SQOR: variants seen among roughly 807,000 people sequenced by gnomAD.
The protein encoded by SQOR is sulfide quinone oxidoreductase, also known as sulfide:quinone oxidoreductase, mitochondrial.
SQOR carries 39 observed loss-of-function variants against 48.6 expected under a neutral mutation model. The observed-to-expected ratio is 0.80, with a 90% CI of 0.62 to 1.05. The LOEUF (loss-of-function observed/expected upper bound fraction) is 1.05, where lower values mean the gene tolerates loss of function less well. Ranked by LOEUF, SQOR falls within the 50% of genes least tolerant of loss-of-function variation. SQOR has a pLI of 0.00. For missense variants in SQOR, 561 were observed against 559.9 expected (o/e 1.00, Z -0.02); for synonymous variants, 220 against 206.2 (o/e 1.07, Z -0.57).
chr15:45,647,932 T>G (rs1047453950), intron 1 of SQOR, among the ~76,000 whole-genome samples: 1 of 151,982 alleles, frequency 6.6e-6, no homozygotes, highest in Non-Finnish European at 1.5e-5. Context: ...AAAAACAAAA[T>G]AAAATAAAAT....
rs535226765 is a variant in SQOR, at chr15:45,679,429, C to T, written c.865-3049C>T. Reference sequence around the variant, plus strand: ...AACTGGTGTGAAGAATTGGGCCGGACGTGGTGGCTCAAGTCTATAATCCCA... The same window carrying T: ...AACTGGTGTGAAGAATTGGGCCGGATGTGGTGGCTCAAGTCTATAATCCCA... On this transcript the variant is annotated intron_variant, in intron 6 of 9. Coordinates refer to ENST00000260324, the MANE Select transcript of SQOR (RefSeq NM_021199.4). Among the ~76,000 whole-genome samples, 5 of 152,182 alleles carry T rather than the reference C, an allele frequency of 3.3e-5. No homozygotes were observed. The South Asian group carries it at 6.2e-4, about 19-fold the overall frequency.
chr15:45,631,735 C>G (rs2140932554), upstream of SQOR: 1 of 152,494 alleles, frequency 6.6e-6, no homozygotes, highest in East Asian at 1.9e-4. Flanking sequence ...TCCCAGAGCC[C>G]TGATTTGGAT....
In SQOR at chr15:45,676,106, G is replaced by A; in HGVS notation, c.660G>A (p.Gly220=). Residue 220 remains glycine, a synonymous_variant, in exon 6 of 10, where the codon GGG becomes GGA. Transcript: ENST00000260324. ...YLSEAYFRKT[G]KRSKANIIFN... is the part of the protein sequence containing the mutation. The stretch of plus-strand genomic sequence containing the variant: ...GGTTTTCTTATTTTTCTCAGACAGG[G>A]AAGCGATCCAAGGCCAATATCATTT... The A allele has an allele frequency of 6.2e-7, 1 of 1,613,176 alleles. No homozygotes were observed. Among genetic ancestry groups the A allele is most frequent in the Non-Finnish European group, 8.5e-7 (1 of 1,179,770 alleles).
At chr15:45,674,121 T>C (rs879431947) in intron 5 of SQOR, 9 of 290,640 alleles carry the variant, frequency 3.1e-5, no homozygotes, top group Non-Finnish European at 5.2e-5. Flanking sequence ...CTTTGTTACA[T>C]ACTTTTTAAA....
chr15:45,638,478 T>G (rs1476332611), intron 1 of SQOR, among the ~76,000 whole-genome samples: 1 of 152,100 alleles, frequency 6.6e-6, no homozygotes, highest in Non-Finnish European at 1.5e-5. Context: ...ATCCCAGCAC[T>G]TTGGGAGGCC....
intron 1 of SQOR, among the ~76,000 whole-genome samples, chr15:45,646,193 C>T (rs977918374): frequency 2.0e-5 from 3 of 152,200 alleles, no homozygotes; most frequent in African/African-American, 7.2e-5. Flanking sequence ...GCATGTGGGG[C>T]CACCCAGAGA....
At chr15:45,675,698 C>CT (rs1351850670) in intron 5 of SQOR, among the ~76,000 whole-genome samples, 1 of 152,202 alleles carries the variant, frequency 6.6e-6, no homozygotes, top group Non-Finnish European at 1.5e-5. Flanking sequence ...CTGCGCCTGG[C>CT]TGGAACTCAG....
chr15:45,687,798 AGATC>A (rs1171922477), intron 7 of SQOR, among the ~76,000 whole-genome samples: 1 of 152,226 alleles, frequency 6.6e-6, no homozygotes, highest in Non-Finnish European at 1.5e-5. Context: ...AAATACAGGT[AGATC>A]TATATATCTG....
chr15:45,665,628 G>T (rs534997034), intron 3 of SQOR, among the ~76,000 whole-genome samples: 2 of 149,598 alleles, frequency 1.3e-5, no homozygotes, highest in South Asian at 4.2e-4. Context: ...CTTTTGTCCA[G>T]GCTGGAGTGC....
intron 1 of SQOR, among the ~76,000 whole-genome samples, chr15:45,641,903 G>A (rs752544483): frequency 2.0e-5 from 3 of 152,092 alleles, no homozygotes; most frequent in Non-Finnish European, 4.4e-5. Flanking sequence ...TCGCAAAAAT[G>A]TCAATGTGTG....
chr15:45,649,146 C>T (rs917415983), intron 1 of SQOR, among the ~76,000 whole-genome samples: 1 of 152,184 alleles, frequency 6.6e-6, no homozygotes, highest in Non-Finnish European at 1.5e-5. Flanking sequence ...TTGACACAGG[C>T]AGTCTGTATT....
chr15:45,688,347 A>G lies in SQOR; in HGVS notation c.1059A>G (p.Ser353=), dbSNP rs773101883. The G allele has an allele frequency of 3.7e-6, 6 of 1,605,906 alleles. No homozygotes were observed. The highest frequency in any genetic ancestry group is 4.2e-6 in the Non-Finnish European group (5 of 1,177,694). The change falls in exon 8 of 10, where the codon TCA becomes TCG. Residue 353 remains serine (S), a synonymous_variant. Transcript: ENST00000260324. The stretch of plus-strand genomic sequence containing the variant: ...CCATTTCTCTTATAGCTGCCCAGTC[A>G]GGAATACTTGATAGGACAATTTCTG... ...SKTAAAVAAQ[S]GILDRTISVI...
At chr15:45,675,702 A>G (rs900296417) in intron 5 of SQOR, among the ~76,000 whole-genome samples, 7 of 152,062 alleles carry the variant, frequency 4.6e-5, no homozygotes, top group African/African-American at 1.7e-4. Flanking sequence ...GCCTGGCTGG[A>G]ACTCAGTTTT....
At chr15:45,688,973 C>A (rs1349559204) in intron 8 of SQOR, 66 bp from the exon 9 acceptor site, 20 of 1,310,544 alleles carry the variant, frequency 1.5e-5, no homozygotes, top group Non-Finnish European at 2.1e-5. Context: ...ATAATAAATT[C>A]TATAGTGTTA....
At chr15:45,655,023 G>C (rs566679875) in intron 1 of SQOR, among the ~76,000 whole-genome samples, 17 of 152,302 alleles carry the variant, frequency 1.1e-4, no homozygotes, top group Non-Finnish European at 2.2e-4. Flanking sequence ...TCTTGAACAT[G>C]ATTGCCAGCA....
chr15:45,667,949 T>C (rs1252096020), intron 3 of SQOR, among the ~76,000 whole-genome samples: 4 of 144,748 alleles, frequency 2.8e-5, no homozygotes, highest in South Asian at 4.5e-4. Context: ...TTCTTTTTTT[T>C]TTTTTTTTTT....
In SQOR at chr15:45,677,423, A is replaced by G. The variant is rs116178520; in HGVS notation, c.864+1113A>G. Among the ~76,000 whole-genome samples the G allele has an allele frequency of 4.4e-3, 671 of 152,290 alleles. 4 individuals carry two copies. The highest frequency in any genetic ancestry group is 0.015 in the African/African-American group (635 of 41,554). The stretch of plus-strand genomic sequence containing the variant: ...CACAGATACAATTTTTTAACTTACT[A>G]TTTGTATTCCAATTTAGTTGATTGG... On this transcript the variant is annotated intron_variant, in intron 6 of 9. Coordinates refer to ENST00000260324, the MANE Select transcript of SQOR (RefSeq NM_021199.4).
At position 45,673,573 on chromosome 15, in the gene SQOR, T is replaced by C. The variant is rs745403487; in HGVS notation, c.460-34T>C. 15 of 1,599,752 alleles carry C rather than the reference T, an allele frequency of 9.4e-6. 2 individuals are homozygous for C. The South Asian group carries it at 1.7e-4, about 18-fold the overall frequency. On this transcript the variant is annotated intron_variant, in intron 4 of 9. Transcript: ENST00000260324. ...AAGGACTCTAAAGACATTTGCACTT[T>C]TGTTTAAAATAATTTTTGTGTACTT...
Position 45,682,648 on chromosome 15 carries a change from C to T in SQOR, c.1035C>T (p.Thr345=), listed in dbSNP as rs370801060. The change falls in exon 7 of 10, where the codon ACC becomes ACT. Residue 345 remains threonine, a synonymous_variant. Transcript: ENST00000260324. ...GDCTNLPTSK[T]AAAVAAQSGI... The stretch of plus-strand genomic sequence containing the variant: ...GCACCAACCTTCCTACGTCAAAGAC[C>T]GCTGCTGCAGTAGGTAAGTCAACCA... The T allele has an allele frequency of 4.2e-5, 67 of 1,613,786 alleles. No individual in the cohort carries two copies. The highest frequency in any genetic ancestry group is 2.1e-4 in the African/African-American group (16 of 74,880).
Sources: gnomAD v4.1 joint callset for allele counts (sites outside exome capture counted in the v4.1 genomes callset) on GRCh38, gnomAD v4.1.1 for gene constraint, MANE v1.5 for transcripts, NCBI Gene and HGNC (gene_info 2026-07-23, HGNC 2026-07-21) for gene names.